The following SLC12A8 variants were observed in gnomAD, a reference collection of about 807,000 sequenced individuals.
The protein encoded by SLC12A8 is solute carrier family 12 member 8, also known as cation-chloride cotransporter 9.
In SLC12A8, 69 loss-of-function variants were observed where a neutral mutation model predicts 75.6. That is an observed-to-expected ratio of 0.91 (90% confidence interval 0.75 to 1.11). The LOEUF is 1.11. Among genes scored for constraint, SLC12A8 ranks in the 50% most tolerant of loss-of-function variants. SLC12A8 has a pLI of 0.00. For missense variants in SLC12A8, 877 were observed against 896.7 expected, an observed-to-expected ratio of 0.98 and a Z score of 0.28; for synonymous variants, 365 against 372.8, an observed-to-expected ratio of 0.98 and a Z score of 0.24.
intron 13 of SLC12A8, among the ~76,000 whole-genome samples, chr3:125,087,567 A>G (rs1456129712): frequency 6.6e-6 from 1 of 152,144 alleles, no homozygotes; most frequent in Non-Finnish European, 1.5e-5. Flanking sequence ...AAATGCAACC[A>G]AATGAACACT....
Position 125,135,677 on chromosome 3 carries a change from G to T in SLC12A8, c.728C>A (p.Ala243Glu), listed in dbSNP as rs769225257. Reference protein sequence around the residue: ...FFTVFGVFFPAATGVMAGFNM... With the variant: ...FFTVFGVFFPEATGVMAGFNM... ...AACCCAGATTACAATACCTGTAGCC[G>T]CTGGGAAGAAAACCCCAAAGACAGT... The change falls in exon 6 of 14, where the codon GCG becomes GAG. Residue 243 changes from alanine (A) to glutamate (E), a missense_variant. Coordinates refer to ENST00000469902, the MANE Select transcript of SLC12A8 (RefSeq NM_024628.6). 1.3e-6 allele frequency: 2 copies of T among 1,595,716 alleles called. No homozygotes were observed. Among genetic ancestry groups the T allele is most frequent in the Non-Finnish European group, 1.7e-6 (2 of 1,169,498 alleles).
chr3:125,168,674 G>A (rs35032707), intron 5 of SLC12A8, among the ~76,000 whole-genome samples: 18,317 of 152,202 alleles, frequency 0.12, 1,328 homozygotes, highest in Middle Eastern at 0.27. Flanking sequence ...GTGGTCAACA[G>A]TGCAAAAAGT....
At chr3:125,096,748 T>C (rs914382574) in intron 10 of SLC12A8, among the ~76,000 whole-genome samples, 7 of 152,348 alleles carry the variant, frequency 4.6e-5, no homozygotes, top group Admixed American at 2.0e-4. Flanking sequence ...TCTGAATGGA[T>C]GGCTCTATTA....
intron 8 of SLC12A8, among the ~76,000 whole-genome samples, chr3:125,113,334 A>G (rs1158579067): frequency 6.6e-6 from 1 of 152,184 alleles, no homozygotes; most frequent in East Asian, 1.9e-4. Flanking sequence ...AAAAAATATA[A>G]AACTATTATT....
intron 5 of SLC12A8, among the ~76,000 whole-genome samples, chr3:125,166,485 G>C (rs560355483): frequency 3.9e-5 from 6 of 152,212 alleles, no homozygotes; most frequent in African/African-American, 1.4e-4. Context: ...CAGGTTTCCC[G>C]CTGCCCCCAA....
intron 5 of SLC12A8, among the ~76,000 whole-genome samples, chr3:125,162,190 C>G (rs1411009165): frequency 6.6e-6 from 1 of 152,260 alleles, no homozygotes; most frequent in Admixed American, 6.5e-5. Flanking sequence ...GTTCCAGAGC[C>G]TTTCTCTTGT....
intron 13 of SLC12A8, among the ~76,000 whole-genome samples, chr3:125,085,808 C>A (rs1482604004): frequency 5.3e-5 from 8 of 152,020 alleles, no homozygotes; most frequent in African/African-American, 1.9e-4. Context: ...AACTCCTGGC[C>A]TAAGTGATCG....
chr3:125,150,784 G>T (rs1933901892), intron 5 of SLC12A8, among the ~76,000 whole-genome samples: 2 of 152,138 alleles, frequency 1.3e-5, no homozygotes, highest in South Asian at 4.1e-4. Context: ...CATCAAAAAG[G>T]CTACCTTTAC....
At chr3:125,088,691 A>C (rs1938519206) in intron 12 of SLC12A8, among the ~76,000 whole-genome samples, 1 of 152,200 alleles carries the variant, frequency 6.6e-6, no homozygotes, top group African/African-American at 2.4e-5. Flanking sequence ...AACTTTGATA[A>C]ATTTTTTAAG....
chr3:125,152,735 C>T (rs538759597), intron 5 of SLC12A8, among the ~76,000 whole-genome samples: 9 of 152,278 alleles, frequency 5.9e-5, no homozygotes, highest in African/African-American at 2.2e-4. Flanking sequence ...TTCCATTAGA[C>T]AGATGGACAA....
rs183594416 is a variant in SLC12A8, at chr3:125,128,910, C to T, written c.736+6759G>A. Among the ~76,000 whole-genome samples, 35 of 152,314 alleles carry T rather than the reference C, an allele frequency of 2.3e-4. 1 individual carries two copies. The East Asian group carries it at 6.6e-3, about 29-fold the overall frequency. ...ACAGCCGGGCTGAGGGGCCTGGAGA[C>T]AGCCAGCCAATTGGAGGGCCCAGCA... On this transcript the variant is annotated intron_variant, in intron 6 of 13. Coordinates refer to ENST00000469902, the MANE Select transcript of SLC12A8 (RefSeq NM_024628.6).
chr3:125,186,484 ATTC>A (rs1934785822), intron 4 of SLC12A8, among the ~76,000 whole-genome samples: 1 of 152,100 alleles, frequency 6.6e-6, no homozygotes, highest in Admixed American at 6.5e-5. Flanking sequence ...ACTTAGACAA[ATTC>A]TTCTCTTTAA....
At chr3:125,178,624 A>G (rs1934589420) in intron 4 of SLC12A8, among the ~76,000 whole-genome samples, 1 of 152,220 alleles carries the variant, frequency 6.6e-6, no homozygotes, top group Admixed American at 6.5e-5. Context: ...AGATGCAAAT[A>G]ACTTCTGTCC....
At chr3:125,204,487 C>T (rs1292249449) in intron 2 of SLC12A8, among the ~76,000 whole-genome samples, 4 of 152,124 alleles carry the variant, frequency 2.6e-5, no homozygotes, top group African/African-American at 9.7e-5. Context: ...AACAGAAAGA[C>T]AGATATCACA....
chr3:125,180,960 T>C (rs990679969), intron 4 of SLC12A8, among the ~76,000 whole-genome samples: 25 of 152,126 alleles, frequency 1.6e-4, no homozygotes, highest in African/African-American at 6.0e-4. Flanking sequence ...GGAAAGTAAA[T>C]GTATCATAGA....
intron 6 of SLC12A8, among the ~76,000 whole-genome samples, chr3:125,133,280 G>A (rs911460276): frequency 6.6e-6 from 1 of 152,006 alleles, no homozygotes; most frequent in Non-Finnish European, 1.5e-5. Context: ...CATGTTTAAA[G>A]TGTAACAACT....
intron 5 of SLC12A8, among the ~76,000 whole-genome samples, chr3:125,160,169 C>T (rs1440614402): frequency 1.3e-5 from 2 of 152,014 alleles, no homozygotes; most frequent in East Asian, 1.9e-4. Flanking sequence ...GTCTCGAACT[C>T]CTGGGCTCAA....
At chr3:125,145,573 C>T (rs921350482) in intron 5 of SLC12A8, among the ~76,000 whole-genome samples, 3 of 152,276 alleles carry the variant, frequency 2.0e-5, no homozygotes, top group Middle Eastern at 3.4e-3. Flanking sequence ...TGTATAATTC[C>T]CCTTACAGTA....
At chr3:125,159,298 G>T (rs1934112761) in intron 5 of SLC12A8, among the ~76,000 whole-genome samples, 2 of 151,922 alleles carry the variant, frequency 1.3e-5, no homozygotes, top group Admixed American at 1.3e-4. Context: ...GTCTCACTAT[G>T]TTGCCCAGGC....
Sources: allele counts gnomAD v4.1 joint callset (sites outside exome capture counted in the v4.1 genomes callset), GRCh38; gene constraint gnomAD v4.1.1; transcripts MANE v1.5; gene names NCBI Gene and HGNC (gene_info 2026-07-23, HGNC 2026-07-21).